The following IQCM variants were observed in gnomAD, a reference collection of about 807,000 sequenced individuals.
IQCM encodes the protein IQ motif containing M, also known as IQ domain-containing protein M.
In IQCM, 45 loss-of-function variants were observed where a neutral mutation model predicts 57.6. The observed-to-expected ratio is 0.78, with a 90% CI of 0.62 to 1.00. The LOEUF is 1.00. IQCM is among the 50% of genes least tolerant of loss of function. IQCM has a pLI of 0.00. For missense variants in IQCM, 468 were observed against 511.6 expected (o/e 0.91, Z 0.82); for synonymous variants, 148 against 158.9 (o/e 0.93, Z 0.51).
At chr4:149,463,972 C>G (rs562703241) in intron 12 of IQCM, among the ~76,000 whole-genome samples, 1 of 152,198 alleles carries the variant, frequency 6.6e-6, no homozygotes, top group East Asian at 1.9e-4. Flanking sequence ...TTGAATCATG[C>G]TATTTTGAAA....
chr4:149,571,889 C>T (rs963795824), intron 9 of IQCM, among the ~76,000 whole-genome samples: 3 of 152,066 alleles, frequency 2.0e-5, no homozygotes, highest in African/African-American at 7.2e-5. Context: ...AACAACTTAG[C>T]TTCCTCCATA....
intron 13 of IQCM, among the ~76,000 whole-genome samples, chr4:149,428,923 T>C (rs572531039): frequency 2.0e-5 from 3 of 151,870 alleles, no homozygotes; most frequent in Non-Finnish European, 4.4e-5. Flanking sequence ...AGGTCGTTGA[T>C]ATTACTCAGC....
At chr4:149,537,369 GAAGA>G (rs150915108) in intron 12 of IQCM, among the ~76,000 whole-genome samples, 3,374 of 151,872 alleles carry the variant, frequency 0.022, 95 homozygotes, top group South Asian at 0.15. Context: ...TGAAAAGGCA[GAAGA>G]AAGAAATAGT....
chr4:149,388,562 T>TTATATACATAAATA (rs1377613666), intron 13 of IQCM, among the ~76,000 whole-genome samples: 1 of 135,510 alleles, frequency 7.4e-6, no homozygotes, highest in Admixed American at 7.9e-5. Flanking sequence ...TATAATATAT[T>TTATATACATAAATA]TATATACATA....
At chr4:149,526,852 T>C (rs550972652) in intron 12 of IQCM, among the ~76,000 whole-genome samples, 17 of 152,268 alleles carry the variant, frequency 1.1e-4, no homozygotes, top group African/African-American at 3.4e-4. Context: ...TTGTTTCCTA[T>C]ATATTTTGCT....
chr4:149,409,317 A>T (rs573905772), intron 13 of IQCM, among the ~76,000 whole-genome samples: 1 of 152,384 alleles, frequency 6.6e-6, no homozygotes, highest in East Asian at 1.9e-4. Context: ...GGCCCATGCC[A>T]GTCATCCTCT....
At chr4:149,494,860 G>A (rs113366304) in intron 12 of IQCM, among the ~76,000 whole-genome samples, 20 of 152,200 alleles carry the variant, frequency 1.3e-4, no homozygotes, top group African/African-American at 4.8e-4. Flanking sequence ...TTAATATCGT[G>A]ATCTGACTTA....
chr4:149,501,238 C>T (rs532638167), intron 12 of IQCM, among the ~76,000 whole-genome samples: 1 of 152,242 alleles, frequency 6.6e-6, no homozygotes, highest in East Asian at 1.9e-4. Context: ...TTTCCCATAC[C>T]TGAATGATTG....
chr4:149,438,275 G>T (rs1158630831), intron 12 of IQCM, among the ~76,000 whole-genome samples: 2 of 151,892 alleles, frequency 1.3e-5, no homozygotes, highest in Admixed American at 1.3e-4. Context: ...GCAACAGGTA[G>T]ATGTTTTCTT....
chr4:149,384,138 G>A (rs1002334633), intron 13 of IQCM, among the ~76,000 whole-genome samples: 12 of 152,076 alleles, frequency 7.9e-5, no homozygotes, highest in African/African-American at 2.9e-4. Context: ...TTAAGAAACT[G>A]AGATTCAGTA....
At chr4:149,385,404 G>C (rs905065095) in intron 13 of IQCM, among the ~76,000 whole-genome samples, 1 of 152,042 alleles carries the variant, frequency 6.6e-6, no homozygotes, top group Non-Finnish European at 1.5e-5. Context: ...AATTGTAATA[G>C]GGTAAGTTGA....
At chr4:149,717,099 A>G (rs1300497914) in intron 5 of IQCM, among the ~76,000 whole-genome samples, 1 of 152,208 alleles carries the variant, frequency 6.6e-6, no homozygotes, top group Non-Finnish European at 1.5e-5. Flanking sequence ...ACAAATTGGT[A>G]AACTTAGGTA....
chr4:149,449,287 G>A (rs1736837448), intron 12 of IQCM, among the ~76,000 whole-genome samples: 1 of 144,578 alleles, frequency 6.9e-6, no homozygotes, highest in Admixed American at 7.1e-5. Flanking sequence ...AAAATCAGGT[G>A]AGTACTCACA....
intron 9 of IQCM, among the ~76,000 whole-genome samples, chr4:149,577,350 T>A (rs1751755191): frequency 6.6e-6 from 1 of 152,008 alleles, no homozygotes; most frequent in Non-Finnish European, 1.5e-5. Flanking sequence ...CTTCTAGAAT[T>A]TTTTATACTT....
intron 5 of IQCM, among the ~76,000 whole-genome samples, chr4:149,688,165 T>A (rs1395285218): frequency 6.6e-6 from 1 of 151,984 alleles, no homozygotes; most frequent in African/African-American, 2.4e-5. Flanking sequence ...AAACTGTCAC[T>A]GTTTGCTGAA....
intron 13 of IQCM, among the ~76,000 whole-genome samples, chr4:149,365,092 A>C (rs1397916923): frequency 6.6e-6 from 1 of 152,176 alleles, no homozygotes; most frequent in Non-Finnish European, 1.5e-5. Context: ...CAATGAGCAC[A>C]TCCAGTTTCT....
intron 12 of IQCM, among the ~76,000 whole-genome samples, chr4:149,469,143 A>C (rs569071835): frequency 6.6e-6 from 1 of 152,322 alleles, no homozygotes; most frequent in African/African-American, 2.4e-5. Flanking sequence ...AGTTGAGAGA[A>C]GGCTTCAGAC....
intron 5 of IQCM, chr4:149,691,099 A>T (rs1762910896): frequency 6.6e-6 from 1 of 152,190 alleles, no homozygotes; most frequent in Non-Finnish European, 1.5e-5. Flanking sequence ...TAAAAATAGA[A>T]ACATTAAAAT....
At chr4:149,802,399 G>C (rs1289271593) in intron 2 of IQCM, among the ~76,000 whole-genome samples, 1 of 151,926 alleles carries the variant, frequency 6.6e-6, no homozygotes, top group African/African-American at 2.4e-5. Context: ...ACACCAAGTA[G>C]CCATAAAAAT....
Sources: allele counts gnomAD v4.1 joint callset (sites outside exome capture counted in the v4.1 genomes callset), GRCh38; gene constraint gnomAD v4.1.1; transcripts MANE v1.5; gene names NCBI Gene and HGNC (gene_info 2026-07-23, HGNC 2026-07-21).